Variants in RBBP6 observed in about 807,000 individuals in gnomAD.
RBBP6 encodes the protein E3 ubiquitin-protein ligase RBBP6.
Under a neutral mutation model 167.7 loss-of-function variants are expected in RBBP6, and 25 were observed. That is an observed-to-expected ratio of 0.15 (90% CI 0.11 to 0.21). RBBP6 has a LOEUF of 0.21. Among genes scored for constraint, RBBP6 ranks in the 10% least tolerant of loss-of-function variants. The probability of loss-of-function intolerance (pLI) is 1.00; values close to 1 mark genes in which losing one functional copy is unlikely to be tolerated. For synonymous variants in RBBP6, 789 were observed against 735.8 expected (o/e 1.07, Z -1.17); for missense variants, 1,868 against 2,134.2 (o/e 0.88, Z 2.46).
At chr16:24,565,183 CTAAGATACCAGTTTA>C (rs1399638104) in intron 14 of RBBP6, among the ~76,000 whole-genome samples, 1 of 152,138 alleles carries the variant, frequency 6.6e-6, no homozygotes, top group Non-Finnish European at 1.5e-5. Flanking sequence ...CAGACAATAT[CTAAGATACCAGTTTA>C]ATTTAAGATT....
At chr16:24,570,661 G>T (rs1038693377) in intron 17 of RBBP6, among the ~76,000 whole-genome samples, 162 bp downstream of exon 17, 2 of 152,166 alleles carry the variant, frequency 1.3e-5, no homozygotes, top group Non-Finnish European at 2.9e-5. Context: ...AATTGCCAAA[G>T]ACAAGGTTGT....
chr16:24,568,715 C>A, intron 16 of RBBP6, 30 bp from the exon 17 acceptor site: 1 of 1,576,420 alleles, frequency 6.3e-7, no homozygotes. Flanking sequence ...TATTTCTCAA[C>A]TATCAACTAT....
At chr16:24,548,078 C>G (rs1325997270) in intron 2 of RBBP6, among the ~76,000 whole-genome samples, 2 of 151,730 alleles carry the variant, frequency 1.3e-5, no homozygotes, top group Non-Finnish European at 2.9e-5. Context: ...CACCTAGAAA[C>G]TCCTGTTAGA....
rs1409642526 is a variant in RBBP6 at position 24,572,469 on chromosome 16, T to G, written c.*24T>G. 6.6e-7 allele frequency: 1 copy of G among 1,505,256 alleles called. No individual in the cohort carries two copies. The highest frequency in any genetic ancestry group is 1.4e-5 in the African/African-American group (1 of 70,464). The allele number at this position is 1,505,256 out of a possible 1,614,324, so 93.2% of individuals were successfully genotyped here. ...AAAAAGACAGATTTTTTAAATTGAC[T>G]TAATTACTAAGTCATCTGTATTAAA... is the stretch of plus-strand genomic sequence containing the variant. On this transcript the variant is annotated 3_prime_UTR_variant, in exon 18 of 18. Coordinates refer to ENST00000319715, the MANE Select transcript of RBBP6 (RefSeq NM_006910.5).
chr16:24,567,327 C>T lies in RBBP6; in HGVS notation c.1774C>T (p.Pro592Ser). Residue 592 changes from proline (P) to serine (S), a missense_variant, in exon 15 of 18, where the codon CCA (proline) becomes TCA (serine). Physicochemically the swap from Pro to Ser is moderately conservative, Grantham distance 74. Transcript: ENST00000319715. ...TTCTCCTCAGTTTCCTCCTGGCCAG[C>T]CACCACCCGCTGGGTATAGTGTCCC... ...QFSPQFPPGQ[P>S]PPAGYSVPPP... 6.2e-7 allele frequency: 1 copy of T among 1,614,050 alleles called. No individual in the cohort carries two copies.
At chr16:24,555,563 T>C in intron 4 of RBBP6, 52 bp from the exon 5 acceptor site, 2 of 1,368,910 alleles carry the variant, frequency 1.5e-6, no homozygotes, top group Admixed American at 1.9e-5. Flanking sequence ...TTTGGCTGTG[T>C]GGTCTTAAAT....
Position 24,556,253 on chromosome 16 carries a change from AAT to A in RBBP6, c.535-53_535-52del, listed in dbSNP as rs1297875621. ...CTGTATAACATTAGCTAATTTATTA[AAT>A]AAAGATAACTGCTTTTTCTCTTCCT... On this transcript the variant is annotated intron_variant, in intron 6 of 17. Transcript: ENST00000319715. 4 of 1,403,222 alleles carry A rather than the reference AAT, an allele frequency of 2.9e-6. No individual in the cohort carries two copies. The African/African-American group carries it at 4.3e-5, about 15-fold the overall frequency. The allele number at this position is 1,403,222 out of a possible 1,614,324, so 86.9% of individuals were successfully genotyped here.
Position 24,563,424 on chromosome 16 carries a change from G to C in RBBP6, c.1388G>C (p.Gly463Ala). Residue 463 changes from glycine (G) to alanine (A), a missense_variant and splice_region_variant, in exon 12 of 18, where the codon GGT (glycine) becomes GCT (alanine). This residue lies in a region of RBBP6 where 245 missense variants were observed against 240.1 expected (regional missense o/e 1.02). Coordinates refer to ENST00000319715, the MANE Select transcript of RBBP6 (RefSeq NM_006910.5). The part of the protein sequence containing the change: ...IAITALMEEK[G>A]YQVPVLGTPS... ...GTTTATTTGTGGTTGTTTCTAAAGG[G>C]TTACCAGGTGCCTGTTCTTGGAACC... The C allele has an allele frequency of 6.2e-7, 1 of 1,602,382 alleles. No individual in the cohort carries two copies. The highest frequency in any genetic ancestry group is 8.5e-7 in the Non-Finnish European group (1 of 1,176,270).
intron 2 of RBBP6, among the ~76,000 whole-genome samples, chr16:24,547,558 C>T (rs536630927): frequency 2.0e-5 from 3 of 152,212 alleles, no homozygotes; most frequent in South Asian, 2.1e-4. Context: ...CGGGCTCAAG[C>T]GATTCTCCTG....
intron 14 of RBBP6, 145 bp downstream of exon 14, chr16:24,565,010 T>A: frequency 7.6e-7 from 1 of 1,321,410 alleles, no homozygotes; most frequent in Non-Finnish European, 9.8e-7. Context: ...TGGGTAGTTG[T>A]CCTTAAAGAG....
At chr16:24,558,224 A>G (rs1054072655) in intron 7 of RBBP6, among the ~76,000 whole-genome samples, 1 of 152,218 alleles carries the variant, frequency 6.6e-6, no homozygotes, top group Non-Finnish European at 1.5e-5. Context: ...GAATGCTGAA[A>G]TACAAATGCC....
rs768318654 is a variant in RBBP6, at chr16:24,572,050, T to A, written c.4984T>A (p.Ser1662Thr). 1.2e-6 allele frequency: 2 copies of A among 1,614,094 alleles called. No individual in the cohort carries two copies. Among genetic ancestry groups the A allele is most frequent in the Admixed American group, 3.3e-5 (2 of 60,012 alleles). The change falls in exon 18 of 18, where the codon TCT becomes ACT. Residue 1662 changes from serine to threonine, a missense_variant. Physicochemically the swap from Ser to Thr is moderately conservative, Grantham distance 58 (BLOSUM62 1). Coordinates refer to ENST00000319715, the MANE Select transcript of RBBP6 (RefSeq NM_006910.5). Reference sequence around the variant, plus strand: ...AGAAGAGGAATCTTCAGGAAACATTTCTAAGGACCTGAAAGATAAAATAGT... The same window carrying A: ...AGAAGAGGAATCTTCAGGAAACATTACTAAGGACCTGAAAGATAAAATAGT... ...VKEEESSGNI[S>T]KDLKDKIVEK... is the part of the protein sequence containing the mutation.
At chr16:24,553,447 C>A in intron 3 of RBBP6, 66 bp from the exon 4 acceptor site, 1 of 1,374,206 alleles carries the variant, frequency 7.3e-7, no homozygotes, top group Non-Finnish European at 1.0e-6. Context: ...TCAATAGGGG[C>A]TAAATGATCA....
chr16:24,558,707 A>G (rs926534002), intron 7 of RBBP6, among the ~76,000 whole-genome samples: 2 of 152,144 alleles, frequency 1.3e-5, no homozygotes, highest in Non-Finnish European at 2.9e-5. Flanking sequence ...GAGAATAGCT[A>G]TTTTTATTTT....
chr16:24,553,540 C>G lies in RBBP6; in HGVS notation c.331C>G (p.Leu111Val), dbSNP rs974612750. ...AIDDSSASIS[L>V]AQLTKTANLA... ...TGATGACTCTTCCGCGTCTATTTCT[C>G]TGGCCCAGCTTACAAAGGTATATAT... is the stretch of plus-strand genomic sequence containing the variant. Residue 111 changes from leucine to valine, a missense_variant, in exon 4 of 18, where the codon CTG (leucine) becomes GTG (valine). Physicochemically the swap from Leu to Val is conservative, Grantham distance 32 (BLOSUM62 1). Transcript: ENST00000319715. 6.2e-7 allele frequency: 1 copy of G among 1,605,914 alleles called. No individual in the cohort carries two copies. Among genetic ancestry groups the G allele is most frequent in the Non-Finnish European group, 8.5e-7 (1 of 1,176,264 alleles).
intron 3 of RBBP6, chr16:24,549,463 T>C (rs889139412): frequency 3.6e-6 from 3 of 842,850 alleles, no homozygotes; most frequent in Non-Finnish European, 4.3e-6. Context: ...CCTGCCTGAT[T>C]TATGGCTTCC....
At chr16:24,568,327 G>T (rs1460582454) in intron 16 of RBBP6, among the ~76,000 whole-genome samples, 1 of 152,268 alleles carries the variant, frequency 6.6e-6, no homozygotes, top group Non-Finnish European at 1.5e-5. Flanking sequence ...TTCCCTGGAA[G>T]TTTGTTTAAA....
At position 24,540,599 on chromosome 16, in the gene RBBP6, C is replaced by T. The variant is rs763765606; in HGVS notation, c.-28C>T. 4 of 1,596,124 alleles carry T rather than the reference C, an allele frequency of 2.5e-6. No homozygotes were observed. Reference sequence around the variant, plus strand: ...TATATTGAGAGTGTCCACGTCTCCTCGCTGAACCTTAGGAATCCCTTGGCA... The same window carrying T: ...TATATTGAGAGTGTCCACGTCTCCTTGCTGAACCTTAGGAATCCCTTGGCA... On this transcript the variant is annotated 5_prime_UTR_variant, in exon 1 of 18. Transcript: ENST00000319715.
chr16:24,563,705 A>G, intron 13 of RBBP6, 41 bp downstream of exon 13: 2 of 1,583,462 alleles, frequency 1.3e-6, no homozygotes, highest in Non-Finnish European at 1.7e-6. Context: ...GATTGCCTGC[A>G]AACTAGATAA....
Sources: allele counts gnomAD v4.1 joint callset (sites outside exome capture counted in the v4.1 genomes callset), GRCh38; gene constraint gnomAD v4.1.1; regional missense constraint gnomAD v4.1.1; transcripts MANE v1.5; gene names NCBI Gene and HGNC (gene_info 2026-07-23, HGNC 2026-07-21).